Variants in LRIG1 observed in about 807,000 individuals in gnomAD.
LRIG1 encodes the protein leucine rich repeats and immunoglobulin like domains 1.
Under a neutral mutation model 99.2 loss-of-function variants are expected in LRIG1, and 48 were observed. The observed-to-expected ratio is 0.48, with a 90% CI of 0.38 to 0.62. The LOEUF is 0.62. Ranked by LOEUF, LRIG1 falls within the 20% of genes least tolerant of loss-of-function variation. LRIG1 has a pLI of 0.00. For missense variants in LRIG1, 1,646 were observed against 1,434.4 expected, an observed-to-expected ratio of 1.15 and a Z score of -2.38; for synonymous variants, 772 against 596.1, an observed-to-expected ratio of 1.29 and a Z score of -4.30.
At chr3:66,484,841 C>CA (rs138209321) in intron 1 of LRIG1, among the ~76,000 whole-genome samples, 2,586 of 151,800 alleles carry the variant, frequency 0.017, 84 homozygotes, top group African/African-American at 0.059. Context: ...ATAGTAATGA[C>CA]AAAAAAAATT....
chr3:66,418,149 T>G (rs1575675368), intron 3 of LRIG1, among the ~76,000 whole-genome samples: 1 of 152,170 alleles, frequency 6.6e-6, no homozygotes, highest in East Asian at 1.9e-4. Flanking sequence ...TGGAGTGCAG[T>G]GGCGCCATCT....
chr3:66,466,016 T>C (rs1322333899), intron 1 of LRIG1, among the ~76,000 whole-genome samples: 3 of 152,170 alleles, frequency 2.0e-5, no homozygotes, highest in Non-Finnish European at 4.4e-5. Context: ...GATTCATCCA[T>C]GTTGTCACAT....
intron 1 of LRIG1, among the ~76,000 whole-genome samples, chr3:66,477,946 G>T (rs1039164357): frequency 6.6e-6 from 1 of 152,120 alleles, no homozygotes; most frequent in Non-Finnish European, 1.5e-5. Flanking sequence ...AAACCTTGGG[G>T]GTATGAGTTA....
In LRIG1 at chr3:66,412,808, C is replaced by T. The variant is rs111573325; in HGVS notation, c.791+63G>A. On this transcript the variant is annotated intron_variant, in intron 6 of 18. Coordinates refer to ENST00000273261, the MANE Select transcript of LRIG1 (RefSeq NM_015541.3). Reference sequence around the variant, plus strand: ...GCACATGCATGCGCACACACACACACGCCACATCACACCACACCGCACAGC... The same window carrying T: ...GCACATGCATGCGCACACACACACATGCCACATCACACCACACCGCACAGC... The T allele has an allele frequency of 4.4e-3, 7,024 of 1,586,414 alleles. 260 individuals are homozygous for T. In the African/African-American group the frequency reaches 0.083, roughly 19 times the overall value.
chr3:66,423,770 C>A (rs1370654536), intron 3 of LRIG1, among the ~76,000 whole-genome samples: 1 of 152,172 alleles, frequency 6.6e-6, no homozygotes, highest in Non-Finnish European at 1.5e-5. Context: ...GTTCAAATCC[C>A]AGCTATCCCA....
chr3:66,398,635 G>A (rs761043482), intron 10 of LRIG1, among the ~76,000 whole-genome samples: 2 of 152,200 alleles, frequency 1.3e-5, no homozygotes, highest in African/African-American at 2.4e-5. Context: ...GGCTTGGCCA[G>A]GAGGAAGCGC....
At chr3:66,459,561 G>A (rs1034857926) in intron 2 of LRIG1, among the ~76,000 whole-genome samples, 16 of 152,176 alleles carry the variant, frequency 1.1e-4, no homozygotes, top group African/African-American at 3.6e-4. Flanking sequence ...CCGTTATCAA[G>A]CCTCCAAAAT....
chr3:66,402,724 T>C (rs1702107681), intron 9 of LRIG1, among the ~76,000 whole-genome samples: 1 of 152,066 alleles, frequency 6.6e-6, no homozygotes, highest in South Asian at 2.1e-4. Flanking sequence ...GATCAGCTGC[T>C]CTAGAGGGGC....
At chr3:66,384,907 G>C (rs1208328598) in intron 13 of LRIG1, among the ~76,000 whole-genome samples, 2 of 152,316 alleles carry the variant, frequency 1.3e-5, no homozygotes, top group South Asian at 4.1e-4. Flanking sequence ...ATTTTGGGGA[G>C]AGTCTAACAA....
At chr3:66,410,043 G>C (rs375151330) in intron 7 of LRIG1, 86 bp downstream of exon 7, 11 of 1,417,672 alleles carry the variant, frequency 7.8e-6, no homozygotes, top group Middle Eastern at 2.0e-4. Flanking sequence ...CGAGGCCACT[G>C]TGTGGTGGAA....
At chr3:66,493,963 AAAAG>A (rs1302557735) in intron 1 of LRIG1, among the ~76,000 whole-genome samples, 1 of 151,064 alleles carries the variant, frequency 6.6e-6, no homozygotes, top group African/African-American at 2.4e-5. Context: ...GAAAGAAAGA[AAAAG>A]AAAAGAAAGA....
rs1700955338 is a variant in LRIG1, at chr3:66,380,248, T to C, written c.*15A>G. On this transcript the variant is annotated 3_prime_UTR_variant, in exon 19 of 19. Transcript: ENST00000273261. ...CCGTAGAGATTGGTATGACAAGAAC[T>C]GAGGTAGACAAAACCTAGCTTTTTG... is the stretch of plus-strand genomic sequence containing the variant. 1 of 1,600,752 alleles carries C rather than the reference T, an allele frequency of 6.2e-7. No homozygotes were observed. Among genetic ancestry groups the C allele is most frequent in the Non-Finnish European group, 8.5e-7 (1 of 1,171,680 alleles).
chr3:66,441,009 C>T (rs1575693562), intron 3 of LRIG1, among the ~76,000 whole-genome samples: 1 of 152,156 alleles, frequency 6.6e-6, no homozygotes, highest in African/African-American at 2.4e-5. Flanking sequence ...TACCTTTGTC[C>T]TACCGCTACG....
intron 1 of LRIG1, 86 bp downstream of exon 1, chr3:66,500,104 C>T: frequency 9.4e-7 from 1 of 1,062,452 alleles, no homozygotes; most frequent in Non-Finnish European, 1.3e-6. Flanking sequence ...CAGTCCGCAC[C>T]CCCTCCCTGA....
At chr3:66,496,012 G>A (rs1701218729) in intron 1 of LRIG1, among the ~76,000 whole-genome samples, 1 of 152,210 alleles carries the variant, frequency 6.6e-6, no homozygotes, top group Admixed American at 6.5e-5. Context: ...TCAGCTAACG[G>A]TGCAGAGCTG....
chr3:66,405,522 C>T lies in LRIG1; in HGVS notation c.1080-244G>A, dbSNP rs150184880. 2.2e-4 allele frequency among the ~76,000 whole-genome samples: 33 copies of T among 152,278 alleles called. No individual in the cohort carries two copies. In the East Asian group the frequency reaches 5.4e-3, roughly 25 times the overall value. ...TGGGCTCCACCTGCCTCCCTGTCTG[C>T]GGAGGCCACACTCAAGGGAAGGGAG... On this transcript the variant is annotated intron_variant, in intron 8 of 18. Transcript: ENST00000273261.
chr3:66,486,550 G>C (rs922021245), intron 1 of LRIG1, among the ~76,000 whole-genome samples: 1 of 152,184 alleles, frequency 6.6e-6, no homozygotes, highest in African/African-American at 2.4e-5. Context: ...AACTTAAAGA[G>C]CTCAAGACAA....
intron 3 of LRIG1, among the ~76,000 whole-genome samples, chr3:66,431,658 T>C (rs917436151): frequency 4.6e-5 from 7 of 152,196 alleles, no homozygotes; most frequent in African/African-American, 1.7e-4. Flanking sequence ...ACATGAGCTA[T>C]TGTGGTTTCT....
chr3:66,498,577 A>G (rs1220618689), intron 1 of LRIG1, among the ~76,000 whole-genome samples: 1 of 152,056 alleles, frequency 6.6e-6, no homozygotes, highest in Non-Finnish European at 1.5e-5. Flanking sequence ...AAAAAAAAAA[A>G]AAAACTACCG....
Sources: allele counts gnomAD v4.1 joint callset (sites outside exome capture counted in the v4.1 genomes callset), GRCh38; gene constraint gnomAD v4.1.1; transcripts MANE v1.5; gene names NCBI Gene and HGNC (gene_info 2026-07-23, HGNC 2026-07-21).